Variants in ELAPOR2 observed in about 807,000 individuals in gnomAD.
ELAPOR2 encodes endosome-lysosome associated apoptosis and autophagy regulator family member 2, also known as endosome/lysosome-associated apoptosis and autophagy regulator family member 2.
Under a neutral mutation model 120.7 loss-of-function variants are expected in ELAPOR2, and 89 were observed. The observed-to-expected ratio is 0.74, with a 90% CI of 0.62 to 0.88. ELAPOR2 has a LOEUF of 0.88. Ranked by LOEUF, ELAPOR2 falls within the 40% of genes least tolerant of loss-of-function variation. The pLI, the probability that ELAPOR2 is intolerant of heterozygous loss-of-function variation, is 0.00. For missense variants in ELAPOR2, 1,134 were observed against 1,251.6 expected (o/e 0.91, Z 1.42); for synonymous variants, 444 against 444.9 (o/e 1.00, Z 0.03).
At chr7:86,892,071 A>G (rs1281984348) in intron 20 of ELAPOR2, among the ~76,000 whole-genome samples, 182 bp from the exon 21 acceptor site, 1 of 152,052 alleles carries the variant, frequency 6.6e-6, no homozygotes, top group East Asian at 1.9e-4. Flanking sequence ...TACCATTTAC[A>G]AAGAAATATT....
intron 1 of ELAPOR2, among the ~76,000 whole-genome samples, chr7:87,039,894 C>T (rs1047785249): frequency 4.0e-5 from 6 of 151,584 alleles, no homozygotes; most frequent in Non-Finnish European, 5.9e-5. Context: ...AGACAGAGGG[C>T]GCAGGTCAGT....
At chr7:86,981,405 C>T (rs1455767194) in intron 1 of ELAPOR2, among the ~76,000 whole-genome samples, 4 of 152,310 alleles carry the variant, frequency 2.6e-5, no homozygotes, top group Admixed American at 1.3e-4. Context: ...GATCTGGCTT[C>T]TGCCCCCTCA....
chr7:86,967,821 C>T (rs1233575674), intron 1 of ELAPOR2, among the ~76,000 whole-genome samples: 1 of 152,232 alleles, frequency 6.6e-6, no homozygotes, highest in African/African-American at 2.4e-5. Flanking sequence ...TAGAAAGCTA[C>T]AGCTACTATT....
chr7:86,886,682 G>A (rs1206194945), intron 21 of ELAPOR2, among the ~76,000 whole-genome samples: 5 of 152,096 alleles, frequency 3.3e-5, no homozygotes, highest in Non-Finnish European at 4.4e-5. Context: ...TGTCAAATAC[G>A]AATGGCATAT....
intron 1 of ELAPOR2, among the ~76,000 whole-genome samples, chr7:87,018,251 G>A (rs1422964852): frequency 6.7e-6 from 1 of 148,358 alleles, no homozygotes; most frequent in Non-Finnish European, 1.5e-5. Flanking sequence ...ATCTTGGCCA[G>A]GCTGTTCTCG....
At chr7:86,987,135 G>C (rs1583954197) in intron 1 of ELAPOR2, among the ~76,000 whole-genome samples, 1 of 152,112 alleles carries the variant, frequency 6.6e-6, no homozygotes, top group Admixed American at 6.5e-5. Context: ...GGAAAACTGG[G>C]TAGTCATATG....
intron 1 of ELAPOR2, among the ~76,000 whole-genome samples, chr7:87,049,597 G>C (rs572525170): frequency 2.6e-5 from 4 of 152,246 alleles, no homozygotes; most frequent in South Asian, 2.1e-4. Flanking sequence ...TAGGTAGCCA[G>C]GGAAAGCCTT....
At chr7:86,882,526 T>C (rs1799460611) in intron 21 of ELAPOR2, among the ~76,000 whole-genome samples, 1 of 152,192 alleles carries the variant, frequency 6.6e-6, no homozygotes, top group Admixed American at 6.5e-5. Context: ...TGCATGGGAT[T>C]GTGCTCCTAT....
intron 9 of ELAPOR2, 144 bp downstream of exon 9, chr7:86,926,592 T>C: frequency 1.4e-6 from 1 of 704,808 alleles, no homozygotes; most frequent in Non-Finnish European, 2.3e-6. Flanking sequence ...AACTAAAATA[T>C]TACAGTTGAC....
Position 86,880,586 on chromosome 7 carries a change from G to C in ELAPOR2, c.3031-56C>G, listed in dbSNP as rs971474214. ...TCACTGAAATTCTCGTAAGATTTTA[G>C]GATCTTACATGTCCAGAAGGAAAGT... On this transcript the variant is annotated intron_variant, in intron 21 of 21. Transcript: ENST00000450689. 40 of 1,092,040 alleles carry C rather than the reference G, an allele frequency of 3.7e-5. No homozygotes were observed. In the African/African-American group the frequency reaches 6.3e-4, roughly 17 times the overall value. The allele number at this position is 1,092,040 out of a possible 1,614,324, so 67.6% of individuals were successfully genotyped here. A position where few individuals can be genotyped will look rare whatever the true frequency, so the allele number is the denominator to read the frequency against.
At chr7:87,046,413 C>T (rs972432792) in intron 1 of ELAPOR2, among the ~76,000 whole-genome samples, 6 of 152,152 alleles carry the variant, frequency 3.9e-5, no homozygotes, top group African/African-American at 1.4e-4. Flanking sequence ...TATCAAAGTA[C>T]CTACGATATT....
intron 19 of ELAPOR2, 110 bp from the exon 20 acceptor site, chr7:86,893,210 GT>G: frequency 3.5e-6 from 3 of 851,832 alleles, no homozygotes; most frequent in Non-Finnish European, 5.3e-6. Flanking sequence ...AGAAGAAAGG[GT>G]TTTGCTAACC....
chr7:86,891,571 T>C, intron 21 of ELAPOR2, 153 bp downstream of exon 21: 1 of 579,352 alleles, frequency 1.7e-6, no homozygotes, highest in Non-Finnish European at 3.0e-6. Flanking sequence ...TTATTGTATC[T>C]ATATCATGTG....
rs989541382 is a variant in ELAPOR2, at chr7:86,912,138, G to T, written c.2103C>A (p.Gly701=). 1 of 1,612,874 alleles carries T rather than the reference G, an allele frequency of 6.2e-7. No individual in the cohort carries two copies. Among genetic ancestry groups the T allele is most frequent in the Non-Finnish European group, 8.5e-7 (1 of 1,178,958 alleles). The change falls in exon 15 of 22, where the codon GGC becomes GGA. Residue 701 remains glycine, a synonymous_variant. Transcript: ENST00000450689. Reference sequence around the variant, plus strand: ...TTGTTCCTTTGGAGGTGAAGCTGGGGCCATTCATTAATGAGCCCACACTGC... The same window carrying T: ...TTGTTCCTTTGGAGGTGAAGCTGGGTCCATTCATTAATGAGCCCACACTGC... ...NLSSVGSLMN[G]PSFTSKGTKY... is the part of the protein sequence containing the mutation.
intron 1 of ELAPOR2, among the ~76,000 whole-genome samples, chr7:87,015,008 A>T (rs1400533495): frequency 6.6e-6 from 1 of 152,128 alleles, no homozygotes; most frequent in African/African-American, 2.4e-5. Flanking sequence ...GGTAGAAAAA[A>T]AAAGAAGTGG....
chr7:87,019,734 T>A (rs1302528595), intron 1 of ELAPOR2, among the ~76,000 whole-genome samples: 1 of 152,190 alleles, frequency 6.6e-6, no homozygotes, highest in African/African-American at 2.4e-5. Context: ...AATTTGGCAG[T>A]GTGTCAAAAG....
At chr7:86,980,974 G>GT (rs373858103) in intron 1 of ELAPOR2, among the ~76,000 whole-genome samples, 127 of 152,270 alleles carry the variant, frequency 8.3e-4, no homozygotes, top group African/African-American at 2.9e-3. Context: ...TTTCTGGACT[G>GT]TATCACTCAG....
chr7:86,906,289 TG>T (rs1562911166), intron 18 of ELAPOR2, among the ~76,000 whole-genome samples: 1 of 152,130 alleles, frequency 6.6e-6, no homozygotes, highest in African/African-American at 2.4e-5. Flanking sequence ...GGTTCTAGCT[TG>T]GAGGCTGGCA....
At position 87,040,062 on chromosome 7, in the gene ELAPOR2, C is replaced by T. The variant is rs201756335; in HGVS notation, c.189+19263G>A. Among the ~76,000 whole-genome samples, 59 of 152,340 alleles carry T rather than the reference C, an allele frequency of 3.9e-4. 1 individual carries two copies. The East Asian group carries it at 9.1e-3, about 23-fold the overall frequency. ...CCACTCGAATACTGCGCTTTTCCGA[C>T]GGGCTTAAAACACGGCGCACCACAA... On this transcript the variant is annotated intron_variant, in intron 1 of 21. Transcript: ENST00000450689.
Sources: gnomAD v4.1 joint callset for allele counts (sites outside exome capture counted in the v4.1 genomes callset) on GRCh38, gnomAD v4.1.1 for gene constraint, MANE v1.5 for transcripts, NCBI Gene and HGNC (gene_info 2026-07-23, HGNC 2026-07-21) for gene names.